The following DEPTOR variants were observed in gnomAD, a reference collection of about 807,000 sequenced individuals.
DEPTOR encodes DEP domain-containing mTOR-interacting protein.
DEPTOR carries 41 observed loss-of-function variants against 41.6 expected under a neutral mutation model. That is an observed-to-expected ratio of 0.98 (90% CI 0.77 to 1.28). The LOEUF (loss-of-function observed/expected upper bound fraction) is 1.28. Ranked by LOEUF, DEPTOR falls within the 50% of genes most tolerant of loss-of-function variation. The pLI is 0.00. For synonymous variants in DEPTOR, 195 were observed against 192.3 expected, an observed-to-expected ratio of 1.01 and a Z score of -0.12; for missense variants, 514 against 527.9, an observed-to-expected ratio of 0.97 and a Z score of 0.26.
chr8:120,022,022 C>T (rs1761910706), intron 8 of DEPTOR, among the ~76,000 whole-genome samples: 1 of 151,988 alleles, frequency 6.6e-6, no homozygotes. Context: ...TAGTCAGCCA[C>T]TACTGGCACG....
chr8:119,959,319 C>G (rs1284621645), intron 3 of DEPTOR, among the ~76,000 whole-genome samples: 1 of 151,600 alleles, frequency 6.6e-6, no homozygotes, highest in Admixed American at 6.6e-5. Context: ...CCCACCACCA[C>G]GCCCAGCTAA....
At chr8:120,032,745 G>A (rs1016929477) in intron 8 of DEPTOR, among the ~76,000 whole-genome samples, 1 of 152,164 alleles carries the variant, frequency 6.6e-6, no homozygotes, top group Non-Finnish European at 1.5e-5. Flanking sequence ...TAACAGCCAC[G>A]AGTGAACAGC....
chr8:119,931,968 ATT>A, intron 3 of DEPTOR, among the ~76,000 whole-genome samples: 1 of 115,000 alleles, frequency 8.7e-6, no homozygotes, highest in Non-Finnish European at 1.9e-5. Flanking sequence ...GATTATTATT[ATT>A]ATTATTATTA....
chr8:120,043,837 C>A (rs1201707856), intron 8 of DEPTOR, among the ~76,000 whole-genome samples: 1 of 152,010 alleles, frequency 6.6e-6, no homozygotes, highest in South Asian at 2.1e-4. Context: ...CATGGTGAAA[C>A]CCCGTCTCTA....
intron 1 of DEPTOR, chr8:119,874,601 G>C (rs914535008): frequency 1.3e-5 from 2 of 152,150 alleles, no homozygotes; most frequent in Non-Finnish European, 2.9e-5. Context: ...GGTCCGCAAG[G>C]GGGCGTGGAG....
At chr8:119,896,585 T>A (rs1468267849) in intron 1 of DEPTOR, among the ~76,000 whole-genome samples, 1 of 152,162 alleles carries the variant, frequency 6.6e-6, no homozygotes, top group African/African-American at 2.4e-5. Flanking sequence ...CTGCAACCTC[T>A]ACCTCCTGGG....
At chr8:119,993,532 A>G (rs1026061747) in intron 4 of DEPTOR, among the ~76,000 whole-genome samples, 10 of 152,230 alleles carry the variant, frequency 6.6e-5, no homozygotes, top group African/African-American at 2.4e-4. Context: ...TAGATATTGA[A>G]TGTAGATGTT....
intron 8 of DEPTOR, among the ~76,000 whole-genome samples, chr8:120,048,449 C>A (rs1393908426): frequency 2.0e-5 from 3 of 152,162 alleles, no homozygotes. Flanking sequence ...GTGACCTCCA[C>A]CATGGTTGAA....
chr8:120,049,501 C>A, intron 8 of DEPTOR, 75 bp from the exon 9 acceptor site: 1 of 1,545,960 alleles, frequency 6.5e-7, no homozygotes, highest in Non-Finnish European at 8.8e-7. Flanking sequence ...GTTAGGGCTA[C>A]ACACTGTCTT....
intron 4 of DEPTOR, among the ~76,000 whole-genome samples, chr8:119,974,465 G>GGA (rs1249438229): frequency 6.6e-6 from 1 of 151,846 alleles, no homozygotes; most frequent in African/African-American, 2.4e-5. Flanking sequence ...TAAATCTCTA[G>GGA]GATAGATCTC....
chr8:119,960,410 T>C (rs1317016839), intron 3 of DEPTOR, among the ~76,000 whole-genome samples: 1 of 152,134 alleles, frequency 6.6e-6, no homozygotes, highest in Non-Finnish European at 1.5e-5. Context: ...GTAGCAGAGC[T>C]GTGTTTGGGT....
intron 8 of DEPTOR, among the ~76,000 whole-genome samples, chr8:120,047,829 G>A (rs7828488): frequency 0.01 from 1,542 of 152,028 alleles, 30 homozygotes; most frequent in African/African-American, 0.036. Flanking sequence ...GAGGATCACC[G>A]GAGGTCAAGA....
intron 1 of DEPTOR, among the ~76,000 whole-genome samples, chr8:119,883,473 T>TAAAAAAAA (rs386413817): frequency 5.4e-5 from 6 of 112,114 alleles, no homozygotes; most frequent in South Asian, 3.3e-4. Flanking sequence ...AGACTCGTCT[T>TAAAAAAAA]AAAAAAAAAA....
chr8:119,894,232 T>TTTG (rs779307980), intron 1 of DEPTOR, among the ~76,000 whole-genome samples: 1 of 151,444 alleles, frequency 6.6e-6, no homozygotes, highest in African/African-American at 2.4e-5. Flanking sequence ...TAATTAAAAA[T>TTTG]TTGTTGTTGT....
intron 1 of DEPTOR, among the ~76,000 whole-genome samples, chr8:119,910,861 A>T (rs1023768886): frequency 1.3e-5 from 2 of 152,186 alleles, no homozygotes; most frequent in African/African-American, 4.8e-5. Context: ...TGAGTTAATG[A>T]TGAGTAAGGG....
At chr8:119,875,561 A>G (rs1827221069) in intron 1 of DEPTOR, among the ~76,000 whole-genome samples, 2 of 152,198 alleles carry the variant, frequency 1.3e-5, no homozygotes, top group South Asian at 4.1e-4. Context: ...GAAAGAAAGT[A>G]AATCATGAGA....
At chr8:119,977,360 C>G (rs893503442) in intron 4 of DEPTOR, among the ~76,000 whole-genome samples, 27 of 151,956 alleles carry the variant, frequency 1.8e-4, no homozygotes, top group African/African-American at 6.0e-4. Flanking sequence ...TATAATCATT[C>G]TTAGCTCCTA....
chr8:119,945,080 C>T (rs1219177505), intron 3 of DEPTOR, among the ~76,000 whole-genome samples: 1 of 152,082 alleles, frequency 6.6e-6, no homozygotes, highest in Non-Finnish European at 1.5e-5. Flanking sequence ...TATAAGCTCT[C>T]TGAGGTCATG....
At chr8:120,035,292 C>A (rs929520122) in intron 8 of DEPTOR, among the ~76,000 whole-genome samples, 1 of 151,552 alleles carries the variant, frequency 6.6e-6, no homozygotes, top group Non-Finnish European at 1.5e-5. Flanking sequence ...TACACTCCAG[C>A]CTGTGAGACA....
Sources: allele counts gnomAD v4.1 joint callset (sites outside exome capture counted in the v4.1 genomes callset), GRCh38; gene constraint gnomAD v4.1.1; transcripts MANE v1.5; gene names NCBI Gene and HGNC (gene_info 2026-07-23, HGNC 2026-07-21).